CHTF18: variants seen among roughly 807,000 people sequenced by gnomAD.
The protein encoded by CHTF18 is chromosome transmission fidelity protein 18 homolog.
In CHTF18, 151 loss-of-function variants were observed where a neutral mutation model predicts 113.4. The observed-to-expected ratio is 1.33, with a 90% CI of 1.17 to 1.52. The LOEUF is 1.52. CHTF18 is among the 40% of genes most tolerant of loss of function. CHTF18 has a pLI of 0.00. For synonymous variants in CHTF18, 916 were observed against 598.8 expected (o/e 1.53, Z -7.74); for missense variants, 1,982 against 1,381.6 (o/e 1.43, Z -6.89).
chr16:789,818 G>A (rs2042125796), intron 4 of CHTF18, 103 bp downstream of exon 4: 3 of 1,402,246 alleles, frequency 2.1e-6, no homozygotes, highest in South Asian at 1.4e-5. Context: ...CGGGTCCTGT[G>A]CAGAGCCCCA....
chr16:797,262 C>G (rs2042377194), intron 20 of CHTF18, among the ~76,000 whole-genome samples, 170 bp downstream of exon 20: 1 of 146,450 alleles, frequency 6.8e-6, no homozygotes, highest in East Asian at 2.0e-4. Context: ...AGGGCTGTGG[C>G]TAGGGCAGTC....
rs747825356 is a variant in CHTF18 at position 788,781 on chromosome 16, GCGCGGC to G, written c.91+8_91+13del. 12 of 1,591,372 alleles carry G rather than the reference GCGCGGC, an allele frequency of 7.5e-6. No individual in the cohort carries two copies. The highest frequency in any genetic ancestry group is 9.4e-6 in the Non-Finnish European group (11 of 1,170,658). Reference sequence around the variant, plus strand: ...GGTGCTGGCAGAGCTGGAAGGTGGGGCGCGGCCCCCGGCCGTTGGGGAGGAGCTGCG... The same window carrying G: ...GGTGCTGGCAGAGCTGGAAGGTGGGGCCCCGGCCGTTGGGGAGGAGCTGCG... On this transcript the variant is annotated splice_region_variant and intron_variant, in intron 1 of 21. Transcript: ENST00000262315.
rs1030427258 is a variant in CHTF18, at chr16:794,319, G to C, written c.1950+118G>C. The C allele has an allele frequency of 9.1e-6, 11 of 1,210,584 alleles. No homozygotes were observed. The African/African-American group carries it at 1.7e-4, about 18-fold the overall frequency. The allele number at this position is 1,210,584 out of a possible 1,614,324, so 75.0% of individuals were successfully genotyped here. Reference sequence around the variant, plus strand: ...GAGGCGCTTTGGGGGTGCTGAGAGAGGCAGGTTCGGGAAATGGGGTGCCAG... The same window carrying C: ...GAGGCGCTTTGGGGGTGCTGAGAGACGCAGGTTCGGGAAATGGGGTGCCAG... On this transcript the variant is annotated intron_variant, in intron 15 of 21. Transcript: ENST00000262315.
Position 797,085 on chromosome 16 carries a change from A to G in CHTF18, c.2726A>G (p.Glu909Gly), listed in dbSNP as rs2042370872. 1 of 1,526,242 alleles carries G rather than the reference A, an allele frequency of 6.6e-7. No homozygotes were observed. The highest frequency in any genetic ancestry group is 1.3e-5 in the South Asian group (1 of 77,962). The allele number at this position is 1,526,242 out of a possible 1,614,324, so 94.5% of individuals were successfully genotyped here. A position where few individuals can be genotyped will look rare whatever the true frequency, so the allele number is the denominator to read the frequency against. The change falls in exon 20 of 22, where the codon GAG becomes GGG. Residue 909 changes from glutamate to glycine, a missense_variant. Coordinates refer to ENST00000262315, the MANE Select transcript of CHTF18 (RefSeq NM_022092.3). The part of the protein sequence containing the change: ...LEHIMRRAAR[E>G]EQPEKDFFGR... ...CACATCATGAGGCGAGCGGCCCGGG[A>G]GGAACAGGTGTGGAATGGGCAGCTG...
Position 795,258 on chromosome 16 carries a change from C to T in CHTF18, c.2077C>T (p.Gln693Ter). The change falls in exon 16 of 22, where the codon CAG (glutamine) becomes TAG (stop). Residue 693 changes from glutamine to a stop codon, truncating the protein, a stop_gained. Transcript: ENST00000262315. LOFTEE classifies it high-confidence loss of function. ...AGAAHHSQSFQLLRYPPFLPV... is the reference protein window; with the variant it reads ...AGAAHHSQSF ...GGCTGCTCATCACAGCCAGAGCTTC[C>T]AGCTGCTGCGCTACCCACCCTTCCT... 7.1e-6 allele frequency: 11 copies of T among 1,549,382 alleles called. No individual in the cohort carries two copies. The highest frequency in any genetic ancestry group is 9.6e-6 in the Non-Finnish European group (11 of 1,146,868).
intron 19 of CHTF18, 28 bp from the exon 20 acceptor site, chr16:796,933 C>T (rs1472425304): frequency 2.0e-6 from 3 of 1,531,798 alleles, no homozygotes; most frequent in East Asian, 2.4e-5. Flanking sequence ...CCTGTGTGGC[C>T]AGATCTCACA....
At position 797,107 on chromosome 16, in the gene CHTF18, G is replaced by T; in HGVS notation, c.2733+15G>T. ...GGGAGGAACAGGTGTGGAATGGGCA[G>T]CTGTGGGGGTGGGACCAGGGTACAT... is the stretch of plus-strand genomic sequence containing the variant. On this transcript the variant is annotated intron_variant, in intron 20 of 21. Coordinates refer to ENST00000262315, the MANE Select transcript of CHTF18 (RefSeq NM_022092.3). 6.7e-7 allele frequency: 1 copy of T among 1,500,720 alleles called. No individual in the cohort carries two copies. 93.0% of individuals were successfully genotyped at this position (1,500,720 alleles called of 1,614,324 possible). A position where few individuals can be genotyped will look rare whatever the true frequency, so the allele number is the denominator to read the frequency against.
Position 797,846 on chromosome 16 carries a change from G to C in CHTF18, c.2799G>C (p.Thr933=). Residue 933 remains threonine, a synonymous_variant, in exon 22 of 22, where the codon ACG becomes ACC. Transcript: ENST00000262315. ...AACCCTGTGGCCCCGCAGGGGACACGGCCCCGGAGCAGGACTCAGTGGAGC... is the reference window on the plus strand; with the variant it reads ...AACCCTGTGGCCCCGCAGGGGACACCGCCCCGGAGCAGGACTCAGTGGAGC... ...RSTAVPSAGD[T]APEQDSVERR... The C allele has an allele frequency of 6.2e-7, 1 of 1,603,902 alleles. No individual in the cohort carries two copies. The highest frequency in any genetic ancestry group is 8.5e-7 in the Non-Finnish European group (1 of 1,175,886).
In CHTF18 at chr16:796,982, C is replaced by T; in HGVS notation, c.2623C>T (p.Leu875Phe). The T allele has an allele frequency of 3.3e-6, 5 of 1,532,016 alleles. No homozygotes were observed. Among genetic ancestry groups the T allele is most frequent in the Non-Finnish European group, 4.4e-6 (5 of 1,138,638 alleles). The allele number at this position is 1,532,016 out of a possible 1,614,324, so 94.9% of individuals were successfully genotyped here. Residue 875 changes from leucine to phenylalanine, a missense_variant, in exon 20 of 22, where the codon CTC becomes TTC. Transcript: ENST00000262315. Reference protein sequence around the residue: ...SPQVDGSPPGLEGLLGGIGEK... With the variant: ...SPQVDGSPPGFEGLLGGIGEK... The stretch of plus-strand genomic sequence containing the variant: ...ACAGGTGGATGGGAGCCCCCCAGGG[C>T]TCGAGGGTCTGCTGGGGGGCATTGG...
In CHTF18 at chr16:794,151, C is replaced by T. The variant is rs751286984; in HGVS notation, c.1900C>T (p.Arg634Cys). The T allele has an allele frequency of 3.0e-5, 49 of 1,612,344 alleles. No individual in the cohort carries two copies. In the African/African-American group the frequency reaches 3.3e-4, roughly 11 times the overall value. The change falls in exon 15 of 22, where the codon CGT becomes TGT. Residue 634 changes from arginine to cysteine, a missense_variant. Physicochemically the swap from Arg to Cys is radical, Grantham distance 180. Transcript: ENST00000262315. ...CACCTCCGCCTCACAGCGATTCTAC[C>T]GTGTCCTGCATGCCGCTGCCTCTGC... ...SLTSASQRFY[R>C]VLHAAASAGE... is the part of the protein sequence containing the mutation.
Position 795,350 on chromosome 16 carries a change from G to A in CHTF18, c.2169G>A (p.Gln723=). Residue 723 remains glutamine, a synonymous_variant, in exon 16 of 22, where the codon CAG becomes CAA. Coordinates refer to ENST00000262315, the MANE Select transcript of CHTF18 (RefSeq NM_022092.3). Reference sequence around the variant, plus strand: ...CCAGGATCACCTTCCCCAGCAGCCAGCAGGAGGTGTGCTCGTCCCTGCACC... The same window carrying A: ...CCAGGATCACCTTCCCCAGCAGCCAACAGGAGGTGTGCTCGTCCCTGCACC... ...HTPRITFPSS[Q]QEAQNRMSQM... The A allele has an allele frequency of 6.5e-7, 1 of 1,545,948 alleles. No homozygotes were observed. The highest frequency in any genetic ancestry group is 8.7e-7 in the Non-Finnish European group (1 of 1,145,944).
At chr16:791,395 G>A (rs771337295) in intron 8 of CHTF18, 25 bp downstream of exon 8, 10 of 1,576,618 alleles carry the variant, frequency 6.3e-6, no homozygotes, top group Non-Finnish European at 7.7e-6. Flanking sequence ...CTGTGCCGCC[G>A]GGAACAAGCC....
In CHTF18 at chr16:796,809, T is replaced by C. The variant is rs1035125936; in HGVS notation, c.2549T>C (p.Val850Ala). ...CAGCTCATCGCCCGCGAGATCGAGG[T>C]GGAGAAGATGCGGCGGGCGGAGGCT... The part of the protein sequence containing the change: ...TKQLIAREIE[V>A]EKMRRAEASA... The change falls in exon 19 of 22, where the codon GTG (valine) becomes GCG (alanine). Residue 850 changes from valine (V) to alanine (A), a missense_variant. Val to Ala is a moderately conservative substitution (Grantham distance 64, BLOSUM62 0). Transcript: ENST00000262315. The C allele has an allele frequency of 1.2e-5, 19 of 1,611,218 alleles. No homozygotes were observed. Among genetic ancestry groups the C allele is most frequent in the Non-Finnish European group, 1.4e-5 (17 of 1,179,506 alleles).
rs202175778 is a variant in CHTF18, at chr16:796,797, G to T, written c.2537G>T (p.Arg846Leu). Residue 846 changes from arginine (R) to leucine (L), a missense_variant, in exon 19 of 22, where the codon CGC becomes CTC. By Grantham distance (102) the Arg-to-Leu change is moderately radical (BLOSUM62 -2). Transcript: ENST00000262315. ...TACCAGACGAAGCAGCTCATCGCCCGCGAGATCGAGGTGGAGAAGATGCGG... is the reference window on the plus strand; with the variant it reads ...TACCAGACGAAGCAGCTCATCGCCCTCGAGATCGAGGTGGAGAAGATGCGG... ...LTYQTKQLIA[R>L]EIEVEKMRRA... The T allele has an allele frequency of 1.9e-6, 3 of 1,611,138 alleles. No homozygotes were observed. Among genetic ancestry groups the T allele is most frequent in the East Asian group, 2.2e-5 (1 of 44,866 alleles).
rs1416154048 is a variant in CHTF18, at chr16:793,129, C to G, written c.1672-15C>G. On this transcript the variant is annotated splice_polypyrimidine_tract_variant and intron_variant, in intron 13 of 21. Transcript: ENST00000262315. The stretch of plus-strand genomic sequence containing the variant: ...CAGGAGTTGGCCGCTTCTCATGCCC[C>G]CGCCCTATGTCTAGTTCCTGTACAG... The G allele has an allele frequency of 1.9e-6, 3 of 1,587,912 alleles. No homozygotes were observed. The highest frequency in any genetic ancestry group is 1.3e-5 in the African/African-American group (1 of 74,498).
At chr16:790,766 C>A in intron 7 of CHTF18, 100 bp downstream of exon 7, 1 of 1,440,824 alleles carries the variant, frequency 6.9e-7, no homozygotes. Context: ...CACTGGGCCT[C>A]GGAGACGGAG....
chr16:790,861 A>G, intron 7 of CHTF18, 195 bp downstream of exon 7: 1 of 1,430,772 alleles, frequency 7.0e-7, no homozygotes, highest in Non-Finnish European at 9.1e-7. Context: ...CCTGTGAGGC[A>G]GGCTAGGGGT....
intron 1 of CHTF18, 69 bp from the exon 2 acceptor site, chr16:788,862 G>T: frequency 6.6e-7 from 1 of 1,508,804 alleles, no homozygotes; most frequent in Non-Finnish European, 8.8e-7. Context: ...GGGCCGAAGG[G>T]GCCTCCACGT....
intron 15 of CHTF18, chr16:794,911 G>A (rs2042295746): frequency 5.2e-6 from 3 of 578,208 alleles, no homozygotes; most frequent in Non-Finnish European, 9.3e-6. Context: ...AGGATGCTCA[G>A]GGTGGACCCT....
Sources: allele counts gnomAD v4.1 joint callset (sites outside exome capture counted in the v4.1 genomes callset), GRCh38; gene constraint gnomAD v4.1.1; transcripts MANE v1.5; gene names NCBI Gene and HGNC (gene_info 2026-07-23, HGNC 2026-07-21).